Variants in TMEM178A observed in about 807,000 individuals in gnomAD.
The protein encoded by TMEM178A is transmembrane protein 178A, also known as transmembrane protein 178.
In TMEM178A, 12 loss-of-function variants were observed where a neutral mutation model predicts 29.1. That is an observed-to-expected ratio of 0.41 (90% confidence interval 0.26 to 0.67). TMEM178A has a LOEUF of 0.67. Ranked by LOEUF, TMEM178A falls within the 30% of genes least tolerant of loss-of-function variation. The pLI, the probability that TMEM178A is intolerant of heterozygous loss-of-function variation, is 0.29. For missense variants in TMEM178A, 366 were observed against 419.1 expected, an observed-to-expected ratio of 0.87 and a Z score of 1.11; for synonymous variants, 210 against 187.2, an observed-to-expected ratio of 1.12 and a Z score of -0.99.
Position 39,679,466 on chromosome 2 carries a change from T to A in TMEM178A, c.400+13092T>A, listed in dbSNP as rs1670777845. ...TTATTATACACTTTTTTTTGAAGTATTCAAAAAAAATCAGTGTATAACTAA... is the reference window on the plus strand; with the variant it reads ...TTATTATACACTTTTTTTTGAAGTAATCAAAAAAAATCAGTGTATAACTAA... On this transcript the variant is annotated intron_variant, in intron 1 of 3. Coordinates refer to ENST00000281961, the MANE Select transcript of TMEM178A (RefSeq NM_152390.3). Among the ~76,000 whole-genome samples, 9 of 152,070 alleles carry A rather than the reference T, an allele frequency of 5.9e-5. No homozygotes were observed. In the South Asian group the frequency reaches 1.7e-3, roughly 28 times the overall value.
At chr2:39,688,304 G>A (rs1671165822) in intron 1 of TMEM178A, among the ~76,000 whole-genome samples, 1 of 152,244 alleles carries the variant, frequency 6.6e-6, no homozygotes, top group South Asian at 2.1e-4. Flanking sequence ...GGTCTCAAAA[G>A]TGTGCTTATC....
At chr2:39,684,734 C>T (rs938955151) in intron 1 of TMEM178A, among the ~76,000 whole-genome samples, 4 of 152,110 alleles carry the variant, frequency 2.6e-5, no homozygotes, top group South Asian at 2.1e-4. Flanking sequence ...GTCGACCTTT[C>T]CTCTTAGCTC....
intron 1 of TMEM178A, among the ~76,000 whole-genome samples, chr2:39,683,398 C>G (rs1275746885): frequency 6.6e-6 from 1 of 152,178 alleles, no homozygotes; most frequent in Non-Finnish European, 1.5e-5. Flanking sequence ...AAAAATAAGG[C>G]CAGTCTCACA....
intron 1 of TMEM178A, among the ~76,000 whole-genome samples, chr2:39,691,895 A>G (rs1671332266): frequency 1.3e-5 from 2 of 151,758 alleles, no homozygotes; most frequent in South Asian, 4.1e-4. Flanking sequence ...ACACACATAT[A>G]TAATGGAATA....
At chr2:39,733,500 C>T in the TMEM178A span, among the ~76,000 whole-genome samples, 1 of 152,192 alleles carries the variant, frequency 6.6e-6, no homozygotes, top group African/African-American at 2.4e-5. Flanking sequence ...CTGCCTTGGC[C>T]AGGCAGACAG....
the TMEM178A span, among the ~76,000 whole-genome samples, chr2:39,728,225 T>C: frequency 1.3e-5 from 2 of 152,130 alleles, no homozygotes; most frequent in Admixed American, 1.3e-4. Flanking sequence ...CCAGAATCTG[T>C]TTCCTGACTT....
chr2:39,731,337 A>G, the TMEM178A span, among the ~76,000 whole-genome samples: 4 of 152,330 alleles, frequency 2.6e-5, no homozygotes, highest in African/African-American at 7.2e-5. Context: ...TTGATAAAGA[A>G]AAGTTGTTTA....
At chr2:39,710,909 T>C (rs1189285594) in intron 3 of TMEM178A, among the ~76,000 whole-genome samples, 2 of 152,224 alleles carry the variant, frequency 1.3e-5, no homozygotes, top group Non-Finnish European at 2.9e-5. Context: ...TGAAACGATA[T>C]TTCTCCTTCT....
chr2:39,703,220 G>A (rs1485325327), intron 1 of TMEM178A, among the ~76,000 whole-genome samples: 1 of 152,036 alleles, frequency 6.6e-6, no homozygotes, highest in African/African-American at 2.4e-5. Context: ...CAAACAACTG[G>A]CCAAGATTAT....
intron 1 of TMEM178A, among the ~76,000 whole-genome samples, chr2:39,670,266 G>A (rs1670355369): frequency 6.6e-6 from 1 of 152,154 alleles, no homozygotes; most frequent in African/African-American, 2.4e-5. Flanking sequence ...AGGATGCCAG[G>A]AAATGACAAG....
chr2:39,717,267 CT>C lies in TMEM178A; in HGVS notation c.*17del. 6.2e-7 allele frequency: 1 copy of C among 1,612,276 alleles called. No homozygotes were observed. Among genetic ancestry groups the C allele is most frequent in the Non-Finnish European group, 8.5e-7 (1 of 1,179,130 alleles). ...CACGGTATGACTGTCCTCACTGGGCCTGTCCACAGTGCGAGCGACTCCTGAG... is the reference window on the plus strand; with the variant it reads ...CACGGTATGACTGTCCTCACTGGGCCGTCCACAGTGCGAGCGACTCCTGAG... On this transcript the variant is annotated 3_prime_UTR_variant, in exon 4 of 4. Transcript: ENST00000281961.
At chr2:39,673,594 T>C (rs903664836) in intron 1 of TMEM178A, among the ~76,000 whole-genome samples, 1 of 152,226 alleles carries the variant, frequency 6.6e-6, no homozygotes. Flanking sequence ...GAAATGTAAG[T>C]AGGAAATTCT....
At chr2:39,698,523 G>A (rs1671646707) in intron 1 of TMEM178A, among the ~76,000 whole-genome samples, 2 of 152,282 alleles carry the variant, frequency 1.3e-5, no homozygotes, top group Non-Finnish European at 2.9e-5. Context: ...GGGTCATGGT[G>A]TACAACTCTT....
chr2:39,712,041 T>TTGTG (rs61303746), intron 3 of TMEM178A, among the ~76,000 whole-genome samples: 42,860 of 139,142 alleles, frequency 0.31, 7,612 homozygotes, highest in Middle Eastern at 0.45. Flanking sequence ...GAATTGCATT[T>TTGTG]TGTGTGTGTG....
intron 1 of TMEM178A, 64 bp from the exon 2 acceptor site, chr2:39,704,017 T>C (rs1671913758): frequency 7.1e-7 from 1 of 1,402,726 alleles, no homozygotes; most frequent in African/African-American, 1.4e-5. Flanking sequence ...GTATTCTGCC[T>C]CAGGTCTCAG....
intron 3 of TMEM178A, among the ~76,000 whole-genome samples, chr2:39,707,450 G>T (rs1164737633): frequency 6.6e-6 from 1 of 151,946 alleles, no homozygotes; most frequent in Admixed American, 6.6e-5. Flanking sequence ...AGCCCAGTCT[G>T]TTTTTTTGCT....
chr2:39,672,943 G>A (rs1276002913), intron 1 of TMEM178A, among the ~76,000 whole-genome samples: 2 of 152,192 alleles, frequency 1.3e-5, no homozygotes, highest in East Asian at 3.8e-4. Flanking sequence ...TGAAATGCCA[G>A]GGGATGGGAA....
downstream of TMEM178A, among the ~76,000 whole-genome samples, chr2:39,719,161 G>C (rs565251186): frequency 1.3e-5 from 2 of 152,318 alleles, no homozygotes; most frequent in South Asian, 2.1e-4. Context: ...GGTCCCTCTG[G>C]ATGAGATCAG....
chr2:39,669,751 A>C (rs1670332615), intron 1 of TMEM178A, among the ~76,000 whole-genome samples: 1 of 152,240 alleles, frequency 6.6e-6, no homozygotes, highest in South Asian at 2.1e-4. Flanking sequence ...TCTAGCAGCA[A>C]GTTCTCTTAA....
Sources: allele counts gnomAD v4.1 joint callset (sites outside exome capture counted in the v4.1 genomes callset), GRCh38; gene constraint gnomAD v4.1.1; transcripts MANE v1.5; gene names NCBI Gene and HGNC (gene_info 2026-07-23, HGNC 2026-07-21).